PSD3: variants seen among roughly 807,000 people sequenced by gnomAD.
PSD3 encodes pleckstrin and Sec7 domain containing 3.
PSD3 carries 49 observed loss-of-function variants against 105.5 expected under a neutral mutation model. That is an observed-to-expected ratio of 0.46 (90% CI 0.37 to 0.59). The LOEUF is 0.59. Ranked by LOEUF, PSD3 falls within the 20% of genes least tolerant of loss-of-function variation. The pLI is 0.00. For synonymous variants in PSD3, 557 were observed against 457.8 expected (o/e 1.22, Z -2.77); for missense variants, 1,561 against 1,263.8 (o/e 1.24, Z -3.57).
intron 11 of PSD3, among the ~76,000 whole-genome samples, chr8:18,620,342 G>GTGTTTTT (rs773701352): frequency 2.5e-5 from 3 of 121,736 alleles, no homozygotes; most frequent in African/African-American, 9.3e-5. Context: ...TTGGGTTTGT[G>GTGTTTTT]TTTTTTTTTT....
chr8:18,559,627 A>C (rs1219576629), intron 14 of PSD3, among the ~76,000 whole-genome samples: 1 of 19,534 alleles, frequency 5.1e-5, no homozygotes, highest in Non-Finnish European at 9.9e-5. Flanking sequence ...GAATTTACAA[A>C]CTTCTATTTT....
At chr8:18,844,097 T>G (rs989555011) in intron 4 of PSD3, among the ~76,000 whole-genome samples, 2 of 152,052 alleles carry the variant, frequency 1.3e-5, no homozygotes, top group African/African-American at 4.8e-5. Context: ...GGTTCCAAAT[T>G]TTAACATAAT....
intron 1 of PSD3, among the ~76,000 whole-genome samples, chr8:18,954,985 G>A (rs991690986): frequency 2.6e-5 from 4 of 152,226 alleles, no homozygotes; most frequent in Non-Finnish European, 5.9e-5. Flanking sequence ...GGCAGACAAC[G>A]AGGGAGTCAA....
chr8:18,780,112 G>A (rs1033154548), intron 8 of PSD3, among the ~76,000 whole-genome samples: 2 of 152,140 alleles, frequency 1.3e-5, no homozygotes, highest in African/African-American at 4.8e-5. Context: ...CCAGTGTTGG[G>A]CGCACAAATA....
chr8:19,058,468 C>T (rs984594851), intron 1 of PSD3, among the ~76,000 whole-genome samples: 2 of 147,560 alleles, frequency 1.4e-5, no homozygotes, highest in Non-Finnish European at 3.0e-5. Flanking sequence ...ATAGCATATA[C>T]AATATAAGTA....
chr8:18,956,645 T>G (rs1291122888), intron 1 of PSD3, among the ~76,000 whole-genome samples: 5 of 152,200 alleles, frequency 3.3e-5, no homozygotes, highest in Admixed American at 2.6e-4. Flanking sequence ...GGACCACTTA[T>G]TTTGTTTTGT....
At chr8:18,593,745 C>T (rs545379053) in intron 12 of PSD3, among the ~76,000 whole-genome samples, 23 of 152,016 alleles carry the variant, frequency 1.5e-4, no homozygotes, top group African/African-American at 5.3e-4. Context: ...CAGTGATAGA[C>T]TGGATTAAGA....
At chr8:18,733,780 C>T (rs1803943370) in intron 9 of PSD3, 1 of 152,642 alleles carries the variant, frequency 6.6e-6, no homozygotes, top group Admixed American at 6.5e-5. Context: ...CCTCAACTAA[C>T]ATCCCATACC....
chr8:18,618,381 C>A lies in PSD3; in HGVS notation c.2410+14232G>T, dbSNP rs190163937. ...ATGTTCTCAGGTCATCCTGAGGCTA[C>A]GTCATGGGCCATGGTCACTTGTATC... On this transcript the variant is annotated intron_variant, in intron 11 of 15. Transcript: ENST00000327040. 4.6e-5 allele frequency among the ~76,000 whole-genome samples: 7 copies of A among 151,352 alleles called. 1 individual carries two copies. Among genetic ancestry groups the A allele is most frequent in the Non-Finnish European group, 1.0e-4 (7 of 67,648 alleles).
At chr8:18,881,058 T>C (rs1325307602) in intron 2 of PSD3, among the ~76,000 whole-genome samples, 1 of 152,240 alleles carries the variant, frequency 6.6e-6, no homozygotes, top group East Asian at 1.9e-4. Flanking sequence ...TTAGAAGTCA[T>C]ACTTTTCTAT....
At chr8:18,550,132 T>C (rs1172458172) in intron 15 of PSD3, among the ~76,000 whole-genome samples, 1 of 152,176 alleles carries the variant, frequency 6.6e-6, no homozygotes, top group Non-Finnish European at 1.5e-5. Flanking sequence ...TTTCAGTAAA[T>C]GATTGATGAA....
At chr8:18,848,859 T>G (rs1051990701) in intron 4 of PSD3, among the ~76,000 whole-genome samples, 2 of 152,204 alleles carry the variant, frequency 1.3e-5, no homozygotes, top group East Asian at 3.9e-4. Flanking sequence ...CTGCCATTCT[T>G]TGGCTACATT....
intron 4 of PSD3, among the ~76,000 whole-genome samples, chr8:18,843,238 G>A (rs996088432): frequency 3.2e-4 from 48 of 151,540 alleles, no homozygotes; most frequent in South Asian, 2.1e-4. Flanking sequence ...GCAGGCGCCT[G>A]TAGTCCCAGC....
In PSD3 at chr8:18,533,115, T is replaced by A. The variant is rs926699665; in HGVS notation, c.*2628A>T. On this transcript the variant is annotated 3_prime_UTR_variant, in exon 16 of 16. Coordinates refer to ENST00000327040, the MANE Select transcript of PSD3 (RefSeq NM_015310.4). ...CTGGCTAGATGCCACAGGAAATAAA[T>A]TATCCCAAAGGAAAATGTGGTTGGC... is the stretch of plus-strand genomic sequence containing the variant. 6.6e-6 allele frequency: 1 copy of A among 152,162 alleles called. No individual in the cohort carries two copies. Among genetic ancestry groups the A allele is most frequent in the Non-Finnish European group, 1.5e-5 (1 of 68,060 alleles). 9.4% of individuals were successfully genotyped at this position (152,162 alleles called of 1,614,324 possible).
chr8:18,557,352 T>C (rs1427275582), intron 14 of PSD3: 2 of 152,200 alleles, frequency 1.3e-5, no homozygotes, highest in Non-Finnish European at 2.9e-5. Flanking sequence ...GGGGAATAAT[T>C]TTTTACATAA....
intron 2 of PSD3, among the ~76,000 whole-genome samples, chr8:18,906,805 T>C (rs1586386076): frequency 6.6e-6 from 1 of 152,312 alleles, no homozygotes; most frequent in East Asian, 1.9e-4. Context: ...ACTAACTGCA[T>C]ATACAAAAGA....
chr8:18,751,120 C>G (rs1805452306), intron 9 of PSD3, among the ~76,000 whole-genome samples: 1 of 152,160 alleles, frequency 6.6e-6, no homozygotes, highest in Non-Finnish European at 1.5e-5. Context: ...AGGCTCCGGC[C>G]GCACAGGAAC....
rs1322049297 is a variant in PSD3 at position 18,654,431 on chromosome 8, AAAAT to A, written c.2216+1207_2216+1210del. Reference sequence around the variant, plus strand: ...ACTTATGAATACTTAGTAAAAATAAAAAATAAAATCCACGAAGTTCTAATTACAA... The same window carrying A: ...ACTTATGAATACTTAGTAAAAATAAAAAAATCCACGAAGTTCTAATTACAA... On this transcript the variant is annotated intron_variant, in intron 10 of 15. Transcript: ENST00000327040. 5.1e-4 allele frequency among the ~76,000 whole-genome samples: 78 copies of A among 152,338 alleles called. 1 individual carries two copies. The highest frequency in any genetic ancestry group is 1.7e-3 in the African/African-American group (69 of 41,582).
At chr8:18,651,688 G>A (rs1206835190) in intron 10 of PSD3, among the ~76,000 whole-genome samples, 2 of 152,122 alleles carry the variant, frequency 1.3e-5, no homozygotes, top group Non-Finnish European at 2.9e-5. Context: ...AAAGTAAAAT[G>A]GAAGCTTAAG....
Sources: allele counts gnomAD v4.1 joint callset (sites outside exome capture counted in the v4.1 genomes callset), GRCh38; gene constraint gnomAD v4.1.1; transcripts MANE v1.5; gene names NCBI Gene and HGNC (gene_info 2026-07-23, HGNC 2026-07-21).